Variants in RYR2 observed in about 807,000 individuals in gnomAD.
RYR2 encodes the protein cardiac muscle ryanodine receptor-calcium release channel.
In RYR2, 227 loss-of-function variants were observed where a neutral mutation model predicts 601.1. The ratio of observed to expected loss-of-function variants is 0.38; its 90% confidence interval spans 0.34 to 0.42. RYR2 has a LOEUF of 0.42. Ranked by LOEUF, RYR2 falls within the 10% of genes least tolerant of loss-of-function variation. The pLI, the probability that RYR2 is intolerant of heterozygous loss-of-function variation, is 1.00. For synonymous variants in RYR2, 2,223 were observed against 2,175.1 expected, an observed-to-expected ratio of 1.02 and a Z score of -0.61; for missense variants, 4,646 against 6,156.5, an observed-to-expected ratio of 0.75 and a Z score of 8.21.
chr1:237,284,539 AT>A (rs1691289438), intron 2 of RYR2, among the ~76,000 whole-genome samples: 1 of 74,446 alleles, frequency 1.3e-5, no homozygotes. Flanking sequence ...GTGTATATAT[AT>A]AGTGTGTGTA....
intron 27 of RYR2, among the ~76,000 whole-genome samples, chr1:237,552,638 G>A (rs1209054180): frequency 1.3e-5 from 2 of 151,842 alleles, no homozygotes; most frequent in Non-Finnish European, 2.9e-5. Context: ...TCATTATCAC[G>A]TGTATTTTTT....
At chr1:237,226,837 C>T (rs763556516) in intron 1 of RYR2, among the ~76,000 whole-genome samples, 5 of 152,090 alleles carry the variant, frequency 3.3e-5, no homozygotes, top group African/African-American at 7.2e-5. Context: ...GGCGTGCTCT[C>T]GGCTCACTGC....
At chr1:237,595,364 G>T in intron 33 of RYR2, 134 bp from the exon 34 acceptor site, 4 of 949,076 alleles carry the variant, frequency 4.2e-6, no homozygotes, top group Non-Finnish European at 6.2e-6. Context: ...ACAGAATCGG[G>T]CCTATTGTGC....
chr1:237,580,236 A>C (rs1395521272), intron 29 of RYR2, among the ~76,000 whole-genome samples: 1 of 145,960 alleles, frequency 6.9e-6, no homozygotes, highest in African/African-American at 2.6e-5. Context: ...GCTCACTGGA[A>C]CCTCCACCTC....
At chr1:237,603,289 G>A (rs548826669) in intron 35 of RYR2, among the ~76,000 whole-genome samples, 11 of 152,170 alleles carry the variant, frequency 7.2e-5, no homozygotes, top group African/African-American at 1.7e-4. Flanking sequence ...AGTCTGGCAC[G>A]GTGAAGAGCC....
At chr1:237,446,423 G>T (rs560032220) in intron 14 of RYR2, among the ~76,000 whole-genome samples, 2 of 152,002 alleles carry the variant, frequency 1.3e-5, no homozygotes, top group African/African-American at 4.8e-5. Flanking sequence ...CTGTTAAGTT[G>T]TTCTGAGCTT....
In RYR2 at chr1:237,701,994, G is replaced by A. The variant is rs1225100895; in HGVS notation, c.9384G>A (p.Val3128=). ...TTTCCTTAGTGGAAGATGTCCAGGT[G>A]TCTTGTTATAGAATTCTGACTAGCT... ...GEDLILEDVQ[V]SCYRILTSLY... Residue 3128 remains valine (V), a synonymous_variant, in exon 66 of 105, where the codon GTG becomes GTA. Coordinates refer to ENST00000366574, the MANE Select transcript of RYR2 (RefSeq NM_001035.3). The A allele has an allele frequency of 1.2e-6, 2 of 1,602,786 alleles. No individual in the cohort carries two copies. The highest frequency in any genetic ancestry group is 1.3e-5 in the African/African-American group (1 of 74,780).
At chr1:237,261,283 GC>G (rs1348382253) in intron 1 of RYR2, among the ~76,000 whole-genome samples, 3 of 152,086 alleles carry the variant, frequency 2.0e-5, no homozygotes, top group African/African-American at 7.2e-5. Context: ...CTTCTTCCTT[GC>G]CTTTCTACAC....
At chr1:237,502,360 G>A (rs953311276) in intron 21 of RYR2, among the ~76,000 whole-genome samples, 1 of 152,134 alleles carries the variant, frequency 6.6e-6, no homozygotes, top group Non-Finnish European at 1.5e-5. Flanking sequence ...TAAACAATTA[G>A]CGATAAGGTT....
intron 35 of RYR2, among the ~76,000 whole-genome samples, chr1:237,609,865 A>T (rs578140402): frequency 6.6e-6 from 1 of 152,180 alleles, no homozygotes; most frequent in African/African-American, 2.4e-5. Context: ...GAAAAATGGA[A>T]GCTATATGAG....
chr1:237,774,974 C>G (rs974043273), intron 87 of RYR2, among the ~76,000 whole-genome samples: 2 of 125,056 alleles, frequency 1.6e-5, no homozygotes, highest in Non-Finnish European at 3.2e-5. Flanking sequence ...TTACTATATG[C>G]AAAACTCTAG....
intron 25 of RYR2, among the ~76,000 whole-genome samples, chr1:237,530,802 C>G (rs746557280): frequency 2.0e-5 from 3 of 151,766 alleles, no homozygotes; most frequent in African/African-American, 4.8e-5. Flanking sequence ...CCCAGCTACT[C>G]GGGAGGCTGA....
At chr1:237,792,770 A>G (rs1235057681) in intron 94 of RYR2, among the ~76,000 whole-genome samples, 1 of 152,328 alleles carries the variant, frequency 6.6e-6, no homozygotes, top group South Asian at 2.1e-4. Context: ...TTGGCCCTAC[A>G]GAAGTGAGCT....
intron 2 of RYR2, among the ~76,000 whole-genome samples, chr1:237,325,633 A>C (rs1696091845): frequency 6.6e-6 from 1 of 152,136 alleles, no homozygotes; most frequent in Admixed American, 6.5e-5. Context: ...GCTTGCAGTG[A>C]GCCGAGATTG....
chr1:237,601,278 G>A (rs925543802), intron 34 of RYR2, among the ~76,000 whole-genome samples: 18 of 152,238 alleles, frequency 1.2e-4, no homozygotes, highest in East Asian at 5.8e-4. Flanking sequence ...CCTGTCATTC[G>A]CACCAATATG....
intron 80 of RYR2, among the ~76,000 whole-genome samples, chr1:237,744,948 C>A (rs1337826737): frequency 6.6e-6 from 1 of 151,688 alleles, no homozygotes; most frequent in African/African-American, 2.4e-5. Flanking sequence ...AGTGGCGCGC[C>A]ACCACGCCCG....
chr1:237,407,173 T>C (rs1233702511), intron 10 of RYR2, among the ~76,000 whole-genome samples: 4 of 152,238 alleles, frequency 2.6e-5, no homozygotes, highest in African/African-American at 9.6e-5. Context: ...AGCTGATTTC[T>C]TTACATCACT....
rs192238166 is a variant in RYR2 at position 237,042,908 on chromosome 1, C to T, written c.48+339C>T. ...GGAGGGGACGGCCGGTCCGGCCTGC[C>T]TGGTGGCACGGCTGGGACCTCCCGG... is the stretch of plus-strand genomic sequence containing the variant. On this transcript the variant is annotated intron_variant, in intron 1 of 104. Transcript: ENST00000366574. Among the ~76,000 whole-genome samples, 833 of 152,194 alleles carry T rather than the reference C, an allele frequency of 5.5e-3. 11 individuals carry two copies. Among genetic ancestry groups the T allele is most frequent in the African/African-American group, 0.019 (797 of 41,544 alleles).
chr1:237,828,559 T>C (rs1663416151), intron 102 of RYR2, 114 bp downstream of exon 102: 1 of 682,584 alleles, frequency 1.5e-6, no homozygotes, highest in Admixed American at 2.8e-5. Flanking sequence ...AGGGCACAAC[T>C]TGTGGTTTCA....
Sources: gnomAD v4.1 joint callset for allele counts (sites outside exome capture counted in the v4.1 genomes callset) on GRCh38, gnomAD v4.1.1 for gene constraint, MANE v1.5 for transcripts, NCBI Gene and HGNC (gene_info 2026-07-23, HGNC 2026-07-21) for gene names.